Variants in DISC1 observed in about 807,000 individuals in gnomAD.
DISC1 encodes disrupted in schizophrenia 1 protein.
DISC1 carries 57 observed loss-of-function variants against 84.5 expected under a neutral mutation model. That is an observed-to-expected ratio of 0.67 (90% CI 0.55 to 0.84). The LOEUF (loss-of-function observed/expected upper bound fraction) is 0.84, where lower values mean the gene tolerates loss of function less well. Ranked by LOEUF, DISC1 falls within the 40% of genes least tolerant of loss-of-function variation. The probability of loss-of-function intolerance (pLI) is 0.00; values close to 1 mark genes in which losing one functional copy is unlikely to be tolerated. For missense variants in DISC1, 1,000 were observed against 1,057.8 expected (o/e 0.95, Z 0.76); for synonymous variants, 411 against 415.2 (o/e 0.99, Z 0.12).
chr1:231,864,107 T>C (rs144533563), intron 9 of DISC1, among the ~76,000 whole-genome samples: 31 of 152,222 alleles, frequency 2.0e-4, no homozygotes, highest in African/African-American at 7.0e-4. Context: ...AGTGAAACAG[T>C]TTTCGTCACA....
At chr1:231,882,696 C>G (rs1443782700) in intron 9 of DISC1, among the ~76,000 whole-genome samples, 1 of 152,120 alleles carries the variant, frequency 6.6e-6, no homozygotes, top group Non-Finnish European at 1.5e-5. Context: ...TAATCACTGT[C>G]CCTAGTCAGG....
chr1:231,975,519 G>C (rs542048041), intron 10 of DISC1, among the ~76,000 whole-genome samples: 1 of 152,310 alleles, frequency 6.6e-6, no homozygotes, highest in East Asian at 1.9e-4. Flanking sequence ...GCCTGCACTT[G>C]TATGTTTATC....
At chr1:231,752,802 T>C (rs2074754601) in intron 4 of DISC1, among the ~76,000 whole-genome samples, 1 of 152,214 alleles carries the variant, frequency 6.6e-6, no homozygotes, top group Non-Finnish European at 1.5e-5. Flanking sequence ...GATATAGACA[T>C]TGGGTTAATA....
chr1:231,917,885 T>TA (rs2089747073), intron 9 of DISC1, among the ~76,000 whole-genome samples: 1 of 152,250 alleles, frequency 6.6e-6, no homozygotes, highest in South Asian at 2.1e-4. Flanking sequence ...CTTTAGTTCT[T>TA]AGACTGCTTT....
intron 8 of DISC1, among the ~76,000 whole-genome samples, chr1:231,806,157 G>A (rs1379910293): frequency 1.3e-5 from 2 of 152,184 alleles, no homozygotes; most frequent in African/African-American, 2.4e-5. Context: ...TGAACGTGAC[G>A]TGGCTTTCCA....
In DISC1 at chr1:232,008,798, C is replaced by A; in HGVS notation, c.2056C>A (p.Leu686Met). 1 of 1,571,838 alleles carries A rather than the reference C, an allele frequency of 6.4e-7. No homozygotes were observed. Among genetic ancestry groups the A allele is most frequent in the Non-Finnish European group, 8.6e-7 (1 of 1,158,594 alleles). The change falls in exon 11 of 13, where the codon CTG becomes ATG. Residue 686 changes from leucine to methionine, a missense_variant. Physicochemically the swap from Leu to Met is conservative, Grantham distance 15. Coordinates refer to ENST00000439617, the MANE Select transcript of DISC1 (RefSeq NM_018662.3). ...KNKLCSCKCP[L>M]LGKVWEADLE... ...TCTCTGTCTCAGCTGCAAGTGTCCA[C>A]TGCTTGGGAAAGTGTGGGAAGCTGA...
chr1:231,812,162 C>A (rs1312560850), intron 8 of DISC1, among the ~76,000 whole-genome samples: 2 of 152,060 alleles, frequency 1.3e-5, no homozygotes. Flanking sequence ...CTCAAGTGAT[C>A]TTCTCACCTC....
At chr1:231,886,022 T>C (rs957186353) in intron 9 of DISC1, among the ~76,000 whole-genome samples, 4 of 152,144 alleles carry the variant, frequency 2.6e-5, no homozygotes, top group African/African-American at 9.7e-5. Context: ...CATCATGCCA[T>C]GGCAGAAGGT....
At chr1:231,862,551 T>C (rs2084749469) in intron 9 of DISC1, among the ~76,000 whole-genome samples, 1 of 152,220 alleles carries the variant, frequency 6.6e-6, no homozygotes. Context: ...ATGATTGCTT[T>C]GTAATATTTT....
chr1:231,654,468 T>G (rs933627330), intron 1 of DISC1, among the ~76,000 whole-genome samples: 1 of 152,102 alleles, frequency 6.6e-6, no homozygotes, highest in Non-Finnish European at 1.5e-5. Context: ...GTATGAAATT[T>G]TTGTGTGTGT....
At chr1:231,692,882 A>G (rs1469948944) in intron 1 of DISC1, among the ~76,000 whole-genome samples, 1 of 152,242 alleles carries the variant, frequency 6.6e-6, no homozygotes. Flanking sequence ...TCGGGAGTGA[A>G]TGAAATTAAT....
intron 9 of DISC1, chr1:231,854,874 G>T: frequency 2.3e-6 from 1 of 429,432 alleles, no homozygotes; most frequent in Non-Finnish European, 4.5e-6. Flanking sequence ...CCGCCACCAT[G>T]CCTGGCTAAT....
rs1268462701 is a variant in DISC1, at chr1:231,817,681, TA to T, written c.1793-647del. 5.9e-5 allele frequency among the ~76,000 whole-genome samples: 9 copies of T among 152,356 alleles called. 1 individual carries two copies. The highest frequency in any genetic ancestry group is 1.7e-4 in the African/African-American group (7 of 41,584). ...TTGTATTTTTTAAAAAATCATCTTC[TA>T]GTTTTTTGTTATTTAGACATAAGAT... is the stretch of plus-strand genomic sequence containing the variant. On this transcript the variant is annotated intron_variant, in intron 8 of 12. Transcript: ENST00000439617.
intron 9 of DISC1, among the ~76,000 whole-genome samples, chr1:231,907,332 A>G (rs545530516): frequency 6.6e-5 from 10 of 150,818 alleles, no homozygotes; most frequent in South Asian, 4.3e-4. Context: ...CCACCCCACA[A>G]CAGGCCCCAG....
intron 3 of DISC1, among the ~76,000 whole-genome samples, chr1:231,739,498 G>A (rs200486323): frequency 8.9e-4 from 135 of 152,286 alleles, no homozygotes; most frequent in Non-Finnish European, 1.6e-3. Context: ...TGCATCCTTG[G>A]TGCTGGTGAG....
intron 1 of DISC1, among the ~76,000 whole-genome samples, chr1:231,629,949 T>C (rs2058571869): frequency 6.6e-6 from 1 of 152,212 alleles, no homozygotes; most frequent in South Asian, 2.1e-4. Flanking sequence ...TATATATTTT[T>C]TGAGACGGAG....
intron 9 of DISC1, among the ~76,000 whole-genome samples, chr1:231,932,195 A>G (rs1184424250): frequency 3.3e-5 from 5 of 152,200 alleles, no homozygotes; most frequent in Non-Finnish European, 5.9e-5. Flanking sequence ...CCTAATGACA[A>G]TGAGTCTCTT....
At chr1:231,862,396 A>C (rs1463859956) in intron 9 of DISC1, among the ~76,000 whole-genome samples, 1 of 152,360 alleles carries the variant, frequency 6.6e-6, no homozygotes, top group East Asian at 1.9e-4. Context: ...AAGTATACTC[A>C]AGAAATGACT....
At chr1:231,754,994 A>G (rs2074980670) in intron 4 of DISC1, among the ~76,000 whole-genome samples, 1 of 152,170 alleles carries the variant, frequency 6.6e-6, no homozygotes, top group African/African-American at 2.4e-5. Flanking sequence ...TCAAATATCT[A>G]CCAAAGTCAG....
Sources: allele counts gnomAD v4.1 joint callset (sites outside exome capture counted in the v4.1 genomes callset), GRCh38; gene constraint gnomAD v4.1.1; transcripts MANE v1.5; gene names NCBI Gene and HGNC (gene_info 2026-07-23, HGNC 2026-07-21).